The following TTYH3 variants were observed in gnomAD, a reference collection of about 807,000 sequenced individuals.
TTYH3 encodes the protein protein tweety homolog 3.
In TTYH3, 23 loss-of-function variants were observed where a neutral mutation model predicts 68.2. That is an observed-to-expected ratio of 0.34 (90% CI 0.24 to 0.48). The LOEUF is 0.48. Among genes scored for constraint, TTYH3 ranks in the 20% least tolerant of loss-of-function variants. TTYH3 has a pLI of 0.99. For synonymous variants in TTYH3, 360 were observed against 332.8 expected (o/e 1.08, Z -0.89); for missense variants, 768 against 727.7 (o/e 1.06, Z -0.64).
At chr7:2,659,570 C>G (rs1298455173) in intron 13 of TTYH3, among the ~76,000 whole-genome samples, 1 of 152,200 alleles carries the variant, frequency 6.6e-6, no homozygotes, top group Non-Finnish European at 1.5e-5. Flanking sequence ...CTTTGACTTC[C>G]CGCGTAAGAC....
In TTYH3 at chr7:2,645,268, C is replaced by T. The variant is rs1347077986; in HGVS notation, c.124-1585C>T. Among the ~76,000 whole-genome samples, 2 of 152,202 alleles carry T rather than the reference C, an allele frequency of 1.3e-5. No individual in the cohort carries two copies. The highest frequency in any genetic ancestry group is 2.1e-4 in the South Asian group (1 of 4,834). ...AGCCGGGGGCAGGGCTATGCTGAATCCAGGGACCTGGGGTTGCAGGGCCTG... is the reference window on the plus strand; with the variant it reads ...AGCCGGGGGCAGGGCTATGCTGAATTCAGGGACCTGGGGTTGCAGGGCCTG... On this transcript the variant is annotated intron_variant, in intron 1 of 13. Transcript: ENST00000258796. This position sits in a 1 kb window ranked among gnomAD's most constrained non-coding sequence, Gnocchi z 4.8.
intron 13 of TTYH3, among the ~76,000 whole-genome samples, chr7:2,660,877 A>T (rs574620850): frequency 6.6e-6 from 1 of 152,194 alleles, no homozygotes; most frequent in Non-Finnish European, 1.5e-5. Context: ...TGCCTCGCAC[A>T]TGTGGGTTTC....
intron 7 of TTYH3, among the ~76,000 whole-genome samples, chr7:2,650,609 G>T (rs960092378): frequency 2.0e-5 from 3 of 152,002 alleles, no homozygotes; most frequent in Non-Finnish European, 4.4e-5. Context: ...GAAGGACGCT[G>T]CATCTCTTCT....
rs886830840 is a variant in TTYH3 at position 2,652,443 on chromosome 7, A to G, written c.927+201A>G. The stretch of plus-strand genomic sequence containing the variant: ...CCGGTGACCTGGTGACCTGGCTGAG[A>G]GCCTTTCGGGGGGACCTGCTCAATG... On this transcript the variant is annotated intron_variant, in intron 8 of 13. Coordinates refer to ENST00000258796, the MANE Select transcript of TTYH3 (RefSeq NM_025250.3). 3.3e-5 allele frequency among the ~76,000 whole-genome samples: 5 copies of G among 152,240 alleles called. No individual in the cohort carries two copies. The South Asian group carries it at 8.3e-4, about 25-fold the overall frequency.
chr7:2,647,057 C>A lies in TTYH3; in HGVS notation c.293+35C>A, dbSNP rs755095055. On this transcript the variant is annotated intron_variant, in intron 2 of 13. Transcript: ENST00000258796. ...GTGGGGCGGGGACGGAGGGCGGGGC[C>A]AGAGGGGGCGGCCCGAGGGGGCGGG... is the stretch of plus-strand genomic sequence containing the variant. The A allele has an allele frequency of 3.4e-6, 5 of 1,479,636 alleles. No homozygotes were observed. The African/African-American group carries it at 7.4e-5, about 22-fold the overall frequency. 91.7% of individuals were successfully genotyped at this position (1,479,636 alleles called of 1,614,324 possible). A position where few individuals can be genotyped will look rare whatever the true frequency, so the allele number is the denominator to read the frequency against.
Position 2,664,707 on chromosome 7 carries a change from T to G in TTYH3, c.*2968T>G, listed in dbSNP as rs1387228661. ...GCTGATTTTTATTTCTTTGGGGGCTTTTTTTCTTGGCAAATACTAAAAATC... is the reference window on the plus strand; with the variant it reads ...GCTGATTTTTATTTCTTTGGGGGCTGTTTTTCTTGGCAAATACTAAAAATC... On this transcript the variant is annotated 3_prime_UTR_variant, in exon 14 of 14. Transcript: ENST00000258796. 1 of 152,332 alleles carries G rather than the reference T, an allele frequency of 6.6e-6. No individual in the cohort carries two copies. Among genetic ancestry groups the G allele is most frequent in the African/African-American group, 2.4e-5 (1 of 41,392 alleles). The allele number at this position is 152,332 out of a possible 1,614,324, so 9.4% of individuals were successfully genotyped here.
In TTYH3 at chr7:2,663,378, A is replaced by T. The variant is rs1743850374; in HGVS notation, c.*1639A>T. 1 of 152,500 alleles carries T rather than the reference A, an allele frequency of 6.6e-6. No homozygotes were observed. The highest frequency in any genetic ancestry group is 1.5e-5 in the Non-Finnish European group (1 of 68,036). The allele number at this position is 152,500 out of a possible 1,614,324, so 9.4% of individuals were successfully genotyped here. A position where few individuals can be genotyped will look rare whatever the true frequency, so the allele number is the denominator to read the frequency against. Reference sequence around the variant, plus strand: ...GCTCTGCCCTGGCCTTCCTCTGTGAACCCCTCCTTTCTTTGTGCTGGTGTC... The same window carrying T: ...GCTCTGCCCTGGCCTTCCTCTGTGATCCCCTCCTTTCTTTGTGCTGGTGTC... On this transcript the variant is annotated 3_prime_UTR_variant, in exon 14 of 14. Transcript: ENST00000258796.
chr7:2,661,617 G>A, intron 13 of TTYH3, 51 bp from the exon 14 acceptor site: 2 of 1,573,714 alleles, frequency 1.3e-6, no homozygotes, highest in South Asian at 2.3e-5. Context: ...GCCCCTGGCT[G>A]CGTGCGCCAT....
intron 1 of TTYH3, among the ~76,000 whole-genome samples, chr7:2,637,189 C>T (rs763967807): frequency 3.3e-4 from 10 of 30,420 alleles, no homozygotes; most frequent in South Asian, 1.8e-3. Context: ...CCTTCTTCCT[C>T]CCCTGACCCC....
At chr7:2,649,698 G>C in intron 6 of TTYH3, 59 bp downstream of exon 6, 1 of 1,553,124 alleles carries the variant, frequency 6.4e-7, no homozygotes, top group Middle Eastern at 1.7e-4. Context: ...GGGGAGGGAC[G>C]AGGGGAAGCC....
intron 9 of TTYH3, among the ~76,000 whole-genome samples, chr7:2,653,809 G>A (rs926706567): frequency 6.6e-6 from 1 of 152,242 alleles, no homozygotes; most frequent in African/African-American, 2.4e-5. Context: ...ATTGCGGTGA[G>A]CGGAGATCAC....
chr7:2,651,470 A>C (rs1786174625), intron 7 of TTYH3, among the ~76,000 whole-genome samples: 1 of 152,148 alleles, frequency 6.6e-6, no homozygotes, highest in Non-Finnish European at 1.5e-5. Context: ...AGTGCTACCC[A>C]CCACTGTCCT....
At chr7:2,636,806 G>GT (rs1785668917) in intron 1 of TTYH3, among the ~76,000 whole-genome samples, 1 of 151,860 alleles carries the variant, frequency 6.6e-6, no homozygotes, top group Non-Finnish European at 1.5e-5. Flanking sequence ...ACCTGCTTGG[G>GT]GTGGGTGTCA....
chr7:2,657,678 C>T (rs762868434), intron 11 of TTYH3, among the ~76,000 whole-genome samples: 2 of 152,172 alleles, frequency 1.3e-5, no homozygotes, highest in East Asian at 1.9e-4. Flanking sequence ...GCTGGAGTGT[C>T]GAGTGGGCAC....
In TTYH3 at chr7:2,645,752, C is replaced by T; in HGVS notation, c.124-1101C>T. 2.1e-6 allele frequency: 1 copy of T among 470,840 alleles called. No homozygotes were observed. Among genetic ancestry groups the T allele is most frequent in the African/African-American group, 2.0e-5 (1 of 50,196 alleles). The allele number at this position is 470,840 out of a possible 1,614,324, so 29.2% of individuals were successfully genotyped here. ...CAGGATCAGACTCCTGATGGGGCCT[C>T]TTCCATGTTCACCCCTCAGAAACAC... is the stretch of plus-strand genomic sequence containing the variant. On this transcript the variant is annotated intron_variant, in intron 1 of 13. Transcript: ENST00000258796. This position sits in a 1 kb window ranked among gnomAD's most constrained non-coding sequence, Gnocchi z 4.8.
At chr7:2,654,065 A>G (rs1394426826) in intron 9 of TTYH3, among the ~76,000 whole-genome samples, 1 of 152,114 alleles carries the variant, frequency 6.6e-6, no homozygotes. Flanking sequence ...CCCTTCTCCA[A>G]GGAGCTCTTC....
intron 8 of TTYH3, among the ~76,000 whole-genome samples, 177 bp downstream of exon 8, chr7:2,652,419 CGGTGACCT>C (rs976744508): frequency 6.6e-6 from 1 of 152,204 alleles, no homozygotes; most frequent in African/African-American, 2.4e-5. Context: ...GTTACCATGC[CGGTGACCT>C]GGTGACCTGG....
At chr7:2,651,725 T>G (rs541430359) in intron 7 of TTYH3, among the ~76,000 whole-genome samples, 4 of 152,294 alleles carry the variant, frequency 2.6e-5, no homozygotes, top group African/African-American at 7.2e-5. Context: ...CTTTCATCAT[T>G]TTTTGAACTT....
intron 1 of TTYH3, among the ~76,000 whole-genome samples, chr7:2,634,354 C>T (rs1019281306): frequency 6.6e-6 from 1 of 152,196 alleles, no homozygotes; most frequent in Non-Finnish European, 1.5e-5. Flanking sequence ...GGGCCAGGAG[C>T]CCCCTTCCTG....
Sources: gnomAD v4.1 joint callset for allele counts (sites outside exome capture counted in the v4.1 genomes callset) on GRCh38, gnomAD v4.1.1 for gene constraint, Gnocchi (gnomAD v3.1) non-coding constraint, MANE v1.5 for transcripts, NCBI Gene and HGNC (gene_info 2026-07-23, HGNC 2026-07-21) for gene names.